The following TXNRD1 variants were observed in gnomAD, a reference collection of about 807,000 sequenced individuals.
The protein encoded by TXNRD1 is thioredoxin reductase 1, cytoplasmic.
TXNRD1 carries 57 observed loss-of-function variants against 80.3 expected under a neutral mutation model. That is an observed-to-expected ratio of 0.71 (90% CI 0.57 to 0.89). The LOEUF (loss-of-function observed/expected upper bound fraction) is 0.89. Ranked by LOEUF, TXNRD1 falls within the 40% of genes least tolerant of loss-of-function variation. TXNRD1 has a pLI of 0.00. For synonymous variants in TXNRD1, 291 were observed against 285.2 expected (o/e 1.02, Z -0.20); for missense variants, 730 against 803.0 (o/e 0.91, Z 1.10).
intron 1 of TXNRD1, among the ~76,000 whole-genome samples, chr12:104,226,066 G>C (rs1158467978): frequency 1.3e-5 from 2 of 152,024 alleles, no homozygotes; most frequent in African/African-American, 4.8e-5. Flanking sequence ...CTGGGCGTGT[G>C]GTGGGCACCT....
chr12:104,287,152 A>G (rs2033995830), intron 3 of TXNRD1: 9 of 1,548,238 alleles, frequency 5.8e-6, no homozygotes, highest in Middle Eastern at 2.4e-4. Flanking sequence ...CCGCGAGCCC[A>G]GGGATGGGAG....
chr12:104,305,059 CATT>C (rs1379339340), intron 4 of TXNRD1: 2 of 1,032,178 alleles, frequency 1.9e-6, no homozygotes, highest in African/African-American at 3.3e-5. Flanking sequence ...GAACATCAGA[CATT>C]GTTTTACTGT....
chr12:104,327,910 C>T (rs1455435436), intron 13 of TXNRD1, among the ~76,000 whole-genome samples: 1 of 151,648 alleles, frequency 6.6e-6, no homozygotes, highest in Non-Finnish European at 1.5e-5. Flanking sequence ...CCTGTAATCC[C>T]AATACTTTGG....
At chr12:104,322,374 CTTTTTTTTTTTT>C (rs58288808) in intron 10 of TXNRD1, among the ~76,000 whole-genome samples, 2 of 61,544 alleles carry the variant, frequency 3.2e-5, no homozygotes, top group Non-Finnish European at 5.7e-5. Flanking sequence ...TTATTTTTAC[CTTTTTTTTTTTT>C]TTTTTTTTTT....
intron 1 of TXNRD1, among the ~76,000 whole-genome samples, chr12:104,236,787 CAAA>C (rs35066909): frequency 0.043 from 4,871 of 112,910 alleles, 171 homozygotes; most frequent in African/African-American, 0.13. Context: ...AAAACTGTCT[CAAA>C]AAAAAAAAAA....
intron 6 of TXNRD1, among the ~76,000 whole-genome samples, chr12:104,314,866 T>A (rs966178370): frequency 6.6e-6 from 1 of 151,378 alleles, no homozygotes; most frequent in Non-Finnish European, 1.5e-5. Context: ...CTCAGCCTCC[T>A]TAGTAGCTGG....
At chr12:104,226,357 C>T (rs1433872982) in intron 1 of TXNRD1, among the ~76,000 whole-genome samples, 3 of 152,168 alleles carry the variant, frequency 2.0e-5, no homozygotes, top group Admixed American at 1.3e-4. Flanking sequence ...TGACCCTTGC[C>T]TATGAAGCAC....
chr12:104,245,910 C>G (rs2032975506), intron 1 of TXNRD1, among the ~76,000 whole-genome samples: 2 of 151,794 alleles, frequency 1.3e-5, no homozygotes, highest in South Asian at 2.1e-4. Flanking sequence ...GAGTTCGAGA[C>G]CAGCCTGGCT....
chr12:104,321,039 A>T, intron 9 of TXNRD1, 52 bp from the exon 10 acceptor site: 1 of 1,259,016 alleles, frequency 7.9e-7, no homozygotes, highest in Non-Finnish European at 1.1e-6. Context: ...GTAATTATTT[A>T]TATAGGAACT....
chr12:104,288,338 A>G (rs1356414942), intron 3 of TXNRD1, among the ~76,000 whole-genome samples: 2 of 152,212 alleles, frequency 1.3e-5, no homozygotes, highest in African/African-American at 4.8e-5. Context: ...TGTATGTTCC[A>G]CTGAGTTCAC....
At chr12:104,330,246 A>G (rs991710452) in intron 13 of TXNRD1, among the ~76,000 whole-genome samples, 5 of 152,176 alleles carry the variant, frequency 3.3e-5, no homozygotes, top group African/African-American at 1.2e-4. Context: ...GTTACTTTGG[A>G]TCGCCTCTGT....
intron 10 of TXNRD1, among the ~76,000 whole-genome samples, chr12:104,324,104 C>A (rs1210471445): frequency 5.3e-5 from 8 of 152,082 alleles, no homozygotes; most frequent in Non-Finnish European, 1.2e-4. Context: ...GATTGAAGTA[C>A]AAAAGTGAAT....
At chr12:104,255,206 G>A (rs560508543) in intron 2 of TXNRD1, among the ~76,000 whole-genome samples, 64 of 152,132 alleles carry the variant, frequency 4.2e-4, no homozygotes, top group African/African-American at 1.3e-3. Flanking sequence ...TTGGGCTAGC[G>A]GTCAGGATTG....
intron 4 of TXNRD1, among the ~76,000 whole-genome samples, chr12:104,300,470 C>A (rs1005306810): frequency 6.6e-6 from 1 of 152,164 alleles, no homozygotes; most frequent in East Asian, 1.9e-4. Flanking sequence ...TGGTCACAGA[C>A]AAATTTATCA....
chr12:104,302,614 C>G (rs1370803575), intron 4 of TXNRD1, among the ~76,000 whole-genome samples: 2 of 151,520 alleles, frequency 1.3e-5, no homozygotes, highest in Non-Finnish European at 2.9e-5. Context: ...CTCAGCCTAC[C>G]GAGTAGCTGG....
At chr12:104,327,426 T>G in intron 12 of TXNRD1, 89 bp from the exon 13 acceptor site, 1 of 1,370,440 alleles carries the variant, frequency 7.3e-7, no homozygotes, top group Middle Eastern at 2.0e-4. Context: ...AGAGTCACAA[T>G]TTTGGGCTTC....
rs758996793 is a variant in TXNRD1, at chr12:104,334,237, G to A, written c.1651G>A (p.Val551Ile). 1 of 1,509,466 alleles carries A rather than the reference G, an allele frequency of 6.6e-7. No homozygotes were observed. Among genetic ancestry groups the A allele is most frequent in the Non-Finnish European group, 8.9e-7 (1 of 1,126,682 alleles). The allele number at this position is 1,509,466 out of a possible 1,614,324, so 93.5% of individuals were successfully genotyped here. Reference protein sequence around the residue: ...VEKFGEENIEVYHSYFWPLEW... With the variant: ...VEKFGEENIEIYHSYFWPLEW... ...AAATTTTGCTTTTGTATCTTCTTAGGTTTACCATAGTTACTTTTGGCCATT... is the reference window on the plus strand; with the variant it reads ...AAATTTTGCTTTTGTATCTTCTTAGATTTACCATAGTTACTTTTGGCCATT... The change falls in exon 15 of 17, where the codon GTT (valine) becomes ATT (isoleucine). Residue 551 changes from valine to isoleucine, a missense_variant and splice_region_variant. Transcript: ENST00000525566.
At chr12:104,299,936 G>A (rs544267057) in intron 4 of TXNRD1, among the ~76,000 whole-genome samples, 1 of 152,342 alleles carries the variant, frequency 6.6e-6, no homozygotes, top group South Asian at 2.1e-4. Context: ...GAACAGAAAA[G>A]TTTAGGGAGG....
intron 12 of TXNRD1, among the ~76,000 whole-genome samples, chr12:104,326,907 GTCAC>G (rs1472252682): frequency 6.6e-6 from 1 of 151,960 alleles, no homozygotes; most frequent in African/African-American, 2.4e-5. Flanking sequence ...GCAATCTCAT[GTCAC>G]TGCCACCTCT....
Sources: allele counts gnomAD v4.1 joint callset (sites outside exome capture counted in the v4.1 genomes callset), GRCh38; gene constraint gnomAD v4.1.1; transcripts MANE v1.5; gene names NCBI Gene and HGNC (gene_info 2026-07-23, HGNC 2026-07-21).